Variants in TVP23C observed in about 807,000 individuals in gnomAD.
The protein encoded by TVP23C is trans-golgi network vesicle protein 23 homolog C, also known as Golgi apparatus membrane protein TVP23 homolog C.
A neutral mutation model predicts 28.7 loss-of-function variants in TVP23C; 19 were observed. The observed-to-expected ratio is 0.66, with a 90% CI of 0.46 to 0.97. The LOEUF is 0.97. Among genes scored for constraint, TVP23C ranks in the 50% least tolerant of loss-of-function variants. The probability of loss-of-function intolerance (pLI) is 0.00; values close to 1 mark genes in which losing one functional copy is unlikely to be tolerated. For missense variants in TVP23C, 186 were observed against 241.3 expected (o/e 0.77, Z 1.52); for synonymous variants, 68 against 81.7 (o/e 0.83, Z 0.90).
At chr17:15,516,241 G>C (rs1024106803) in intron 5 of TVP23C, among the ~76,000 whole-genome samples, 4 of 152,244 alleles carry the variant, frequency 2.6e-5, no homozygotes, top group African/African-American at 9.6e-5. Flanking sequence ...TGCACAGCCA[G>C]GAGGCGACAG....
In TVP23C at chr17:15,503,107, C is replaced by G. The variant is rs751637504; in HGVS notation, c.588G>C (p.Lys196Asn). Residue 196 changes from lysine to asparagine, a missense_variant, in exon 6 of 6, where the codon AAG becomes AAC. By Grantham distance (94) the Lys-to-Asn change is moderately conservative. Transcript: ENST00000225576. ...AAGAATTAATGTCTACCTGATGAAA[C>G]TTCCTCGAGGGATGGCCCGGGCAGC... 12 of 1,613,836 alleles carry G rather than the reference C, an allele frequency of 7.4e-6. No individual in the cohort carries two copies. In the South Asian group the frequency reaches 1.3e-4, roughly 18 times the overall value.
At position 15,538,584 on chromosome 17, in the gene TVP23C, C is replaced by T. The variant is rs991631864; in HGVS notation, c.*1828G>A. 3.1e-6 allele frequency: 3 copies of T among 978,534 alleles called. No homozygotes were observed. In the African/African-American group the frequency reaches 5.3e-5, roughly 17 times the overall value. The allele number at this position is 978,534 out of a possible 1,614,324, so 60.6% of individuals were successfully genotyped here. On this transcript the variant is annotated 3_prime_UTR_variant, in exon 6 of 6. Coordinates refer to ENST00000518321, the MANE Select transcript of TVP23C (RefSeq NM_001135036.2). ...CAGCCTGGGCAAACAGAGTGAGACT[C>T]TGTCTCAAAAAAAATAAATAAATAA...
intron 5 of TVP23C, among the ~76,000 whole-genome samples, chr17:15,505,648 G>A (rs943825609): frequency 3.3e-5 from 5 of 152,216 alleles, no homozygotes; most frequent in Admixed American, 6.5e-5. Flanking sequence ...CCCTTTCTGG[G>A]CTGGCCAAGG....
chr17:15,553,412 ATTTG>A (rs1208003753), intron 3 of TVP23C, among the ~76,000 whole-genome samples: 20 of 151,832 alleles, frequency 1.3e-4, no homozygotes, highest in Non-Finnish European at 1.5e-5. Flanking sequence ...TGCTAGTCAC[ATTTG>A]TTTGTTTATT....
chr17:15,536,000 T>C (rs1983137940), downstream of TVP23C, among the ~76,000 whole-genome samples: 1 of 152,156 alleles, frequency 6.6e-6, no homozygotes, highest in African/African-American at 2.4e-5. Context: ...GAGACTAGCC[T>C]GGCCATTGTG....
At chr17:15,536,174 G>A (rs897867243), downstream of TVP23C, among the ~76,000 whole-genome samples, 9 of 152,032 alleles carry the variant, frequency 5.9e-5, no homozygotes, top group African/African-American at 7.3e-5. Context: ...TGGGTGACAA[G>A]AGCAAAAACT....
At chr17:15,503,527 G>T in intron 5 of TVP23C, 1 of 238,000 alleles carries the variant, frequency 4.2e-6, no homozygotes, top group East Asian at 8.3e-5. Context: ...GTCTCGTTTT[G>T]TTGCCTTATT....
intron 5 of TVP23C, chr17:15,516,436 GC>G (rs919862381): frequency 5.3e-5 from 8 of 152,238 alleles, no homozygotes; most frequent in Admixed American, 2.0e-4. Context: ...GAGACTGGAA[GC>G]CCAAGATCAA....
intron 3 of TVP23C, among the ~76,000 whole-genome samples, chr17:15,548,944 A>G (rs1983766827): frequency 1.3e-5 from 2 of 152,264 alleles, no homozygotes; most frequent in Admixed American, 1.3e-4. Context: ...CTCCTCACAC[A>G]GTATCTTACT....
intron 5 of TVP23C, among the ~76,000 whole-genome samples, chr17:15,540,829 G>C (rs1479463073): frequency 6.6e-6 from 1 of 152,240 alleles, no homozygotes; most frequent in Non-Finnish European, 1.5e-5. Flanking sequence ...TAGCTGCTGG[G>C]GATGCAGTGC....
chr17:15,560,862 AT>A (rs895680304), intron 1 of TVP23C, among the ~76,000 whole-genome samples: 1 of 150,088 alleles, frequency 6.7e-6, no homozygotes, highest in African/African-American at 2.4e-5. Flanking sequence ...CCAAGTTTTC[AT>A]TTTTTAAGGT....
At position 15,548,461 on chromosome 17, in the gene TVP23C, G is replaced by A. The variant is rs1185673409; in HGVS notation, c.241-1313C>T. ...ATTACAGGTGTAAGCCACCACGCAC[G>A]GCCTCAAAATACTATTTATGCTCAC... is the stretch of plus-strand genomic sequence containing the variant. On this transcript the variant is annotated intron_variant, in intron 3 of 5. Transcript: ENST00000518321. 3.3e-5 allele frequency among the ~76,000 whole-genome samples: 5 copies of A among 152,100 alleles called. No homozygotes were observed. The East Asian group carries it at 5.8e-4, about 18-fold the overall frequency.
chr17:15,527,756 C>T (rs1597519045), intron 5 of TVP23C, among the ~76,000 whole-genome samples: 1 of 152,084 alleles, frequency 6.6e-6, no homozygotes, highest in Admixed American at 6.5e-5. Flanking sequence ...CTGCCTGAAT[C>T]AAATACAAGT....
intron 5 of TVP23C, among the ~76,000 whole-genome samples, chr17:15,525,682 A>C (rs1256321119): frequency 2.0e-5 from 3 of 151,756 alleles, no homozygotes; most frequent in Non-Finnish European, 4.4e-5. Context: ...GTGTGTGTGC[A>C]TGTGTGTGTG....
In TVP23C at chr17:15,538,050, G is replaced by C. The variant is rs1272530534; in HGVS notation, c.*2362C>G. ...AGCCAACACTCCTCGTTGCAACATG[G>C]ACTAAGCTCTAAAAGGTTGAGTCAA... is the stretch of plus-strand genomic sequence containing the variant. On this transcript the variant is annotated 3_prime_UTR_variant, in exon 6 of 6. Transcript: ENST00000518321. The C allele has an allele frequency of 6.9e-6, 11 of 1,590,620 alleles. No individual in the cohort carries two copies. The highest frequency in any genetic ancestry group is 1.4e-5 in the African/African-American group (1 of 73,256).
intron 5 of TVP23C, among the ~76,000 whole-genome samples, chr17:15,514,264 C>T (rs755653057): frequency 3.9e-5 from 6 of 152,076 alleles, no homozygotes; most frequent in Admixed American, 6.5e-5. Flanking sequence ...GTGGCTTAAA[C>T]AAATCAAACG....
At chr17:15,517,525 T>C (rs765808998) in intron 5 of TVP23C, among the ~76,000 whole-genome samples, 5 of 152,246 alleles carry the variant, frequency 3.3e-5, no homozygotes, top group Non-Finnish European at 7.3e-5. Context: ...GTGATACTTT[T>C]ATCATCCACC....
At chr17:15,505,872 C>G (rs1007248546) in intron 5 of TVP23C, among the ~76,000 whole-genome samples, 11 of 152,230 alleles carry the variant, frequency 7.2e-5, no homozygotes, top group African/African-American at 2.7e-4. Context: ...CCCAGCAGTG[C>G]CAGCCCACCG....
In TVP23C at chr17:15,539,668, T is replaced by C. The variant is rs891588840; in HGVS notation, c.*744A>G. The C allele has an allele frequency of 1.6e-5, 16 of 985,066 alleles. No homozygotes were observed. The African/African-American group carries it at 2.8e-4, about 17-fold the overall frequency. 61.0% of individuals were successfully genotyped at this position (985,066 alleles called of 1,614,324 possible). On this transcript the variant is annotated 3_prime_UTR_variant, in exon 6 of 6. Transcript: ENST00000518321. ...GATTTAACCAATAATTATTTACCTA[T>C]GACTACTACTCATCCTGCTGAAAAC...
Sources: gnomAD v4.1 joint callset for allele counts (sites outside exome capture counted in the v4.1 genomes callset) on GRCh38, gnomAD v4.1.1 for gene constraint, MANE v1.5 for transcripts, NCBI Gene and HGNC (gene_info 2026-07-23, HGNC 2026-07-21) for gene names.